UBR1: variants seen among roughly 807,000 people sequenced by gnomAD.
UBR1 encodes the protein ubiquitin protein ligase E3 component n-recognin 1.
Under a neutral mutation model 242.1 loss-of-function variants are expected in UBR1, and 102 were observed. That is an observed-to-expected ratio of 0.42 (90% CI 0.36 to 0.50). The LOEUF (loss-of-function observed/expected upper bound fraction) is 0.50, where lower values mean the gene tolerates loss of function less well. Ranked by LOEUF, UBR1 falls within the 20% of genes least tolerant of loss-of-function variation. The pLI is 0.01. For missense variants in UBR1, 1,772 were observed against 2,101.8 expected (o/e 0.84, Z 3.07); for synonymous variants, 675 against 684.8 (o/e 0.99, Z 0.22).
At chr15:43,078,893 GAATA>G (rs1408440889) in intron 3 of UBR1, among the ~76,000 whole-genome samples, 1 of 151,634 alleles carries the variant, frequency 6.6e-6, no homozygotes, top group Non-Finnish European at 1.5e-5. Context: ...AAAAAAGCAG[GAATA>G]AATGAGACTT....
chr15:43,026,763 G>GA (rs1258654834), intron 22 of UBR1, 100 bp from the exon 23 acceptor site: 1 of 1,013,114 alleles, frequency 9.9e-7, no homozygotes, highest in Non-Finnish European at 1.5e-6. Flanking sequence ...CAAATATACA[G>GA]AAAAAAATTA....
At chr15:42,999,341 T>C (rs759513367) in intron 32 of UBR1, among the ~76,000 whole-genome samples, 2 of 152,212 alleles carry the variant, frequency 1.3e-5, no homozygotes, top group African/African-American at 2.4e-5. Context: ...AATGTCACCA[T>C]CTCAGAGAAG....
chr15:42,999,279 T>C (rs1567120128), intron 32 of UBR1, among the ~76,000 whole-genome samples: 1 of 152,160 alleles, frequency 6.6e-6, no homozygotes, highest in Non-Finnish European at 1.5e-5. Flanking sequence ...AGAATTTTTT[T>C]CTCCCAGAGA....
At chr15:43,075,472 G>A (rs2033876158) in intron 3 of UBR1, among the ~76,000 whole-genome samples, 1 of 151,850 alleles carries the variant, frequency 6.6e-6, no homozygotes, top group Non-Finnish European at 1.5e-5. Flanking sequence ...AAGTTTTAGG[G>A]TACATGTGCA....
intron 40 of UBR1, among the ~76,000 whole-genome samples, chr15:42,967,219 G>GTT (rs55879443): frequency 0.54 from 60,519 of 112,998 alleles, 19,662 homozygotes; most frequent in Non-Finnish European, 0.7. Context: ...TGCTCAACTA[G>GTT]TTTTTTTTTT....
chr15:43,023,576 G>T (rs967926835), intron 25 of UBR1, among the ~76,000 whole-genome samples: 1 of 142,330 alleles, frequency 7.0e-6, no homozygotes, highest in African/African-American at 2.7e-5. Context: ...CTCCAGCCTG[G>T]GTGACAAGTG....
chr15:43,012,506 C>T (rs1848397038), intron 29 of UBR1, among the ~76,000 whole-genome samples: 2 of 152,146 alleles, frequency 1.3e-5, no homozygotes, highest in Non-Finnish European at 2.9e-5. Flanking sequence ...ATTTAAATTG[C>T]TTTCAATAAG....
At chr15:43,049,549 T>C (rs62020748) in intron 12 of UBR1, among the ~76,000 whole-genome samples, 14,839 of 152,122 alleles carry the variant, frequency 0.098, 909 homozygotes, top group Middle Eastern at 0.17. Flanking sequence ...GGTGACAGCA[T>C]GACACACAAA....
rs1453428090 is a variant in UBR1, at chr15:42,943,604, T to A, written c.*1725A>T. The stretch of plus-strand genomic sequence containing the variant: ...AAGGACTAAAAATAAAGTCAGTTTA[T>A]CTTTGCTAAATTGGGGCCCATCTAT... On this transcript the variant is annotated 3_prime_UTR_variant, in exon 47 of 47. Transcript: ENST00000290650. 1 of 152,240 alleles carries A rather than the reference T, an allele frequency of 6.6e-6. No homozygotes were observed. The highest frequency in any genetic ancestry group is 1.5e-5 in the Non-Finnish European group (1 of 68,036). The allele number at this position is 152,240 out of a possible 1,614,324, so 9.4% of individuals were successfully genotyped here.
chr15:43,069,424 C>T (rs2033796258), intron 5 of UBR1, among the ~76,000 whole-genome samples: 1 of 151,980 alleles, frequency 6.6e-6, no homozygotes, highest in Non-Finnish European at 1.5e-5. Context: ...CCACGGGGGC[C>T]CGCCATGATG....
chr15:42,998,977 G>A (rs770392445), intron 32 of UBR1, among the ~76,000 whole-genome samples: 6 of 134,328 alleles, frequency 4.5e-5, no homozygotes, highest in South Asian at 2.3e-4. Flanking sequence ...TCACTCTGTC[G>A]CCAGGCTGGA....
intron 42 of UBR1, among the ~76,000 whole-genome samples, chr15:42,961,361 C>A (rs1251241560): frequency 6.6e-6 from 1 of 151,690 alleles, no homozygotes; most frequent in African/African-American, 2.4e-5. Flanking sequence ...GATCAGCCTG[C>A]CTCGGCTTCC....
At chr15:42,970,306 A>G (rs559490720) in intron 40 of UBR1, among the ~76,000 whole-genome samples, 1 of 152,328 alleles carries the variant, frequency 6.6e-6, no homozygotes, top group East Asian at 1.9e-4. Context: ...GAAAACTGAA[A>G]CTACACCCCT....
At chr15:43,014,891 C>T (rs1414203498) in intron 29 of UBR1, among the ~76,000 whole-genome samples, 1 of 150,194 alleles carries the variant, frequency 6.7e-6, no homozygotes, top group Non-Finnish European at 1.5e-5. Context: ...GGGGGGTCAG[C>T]CCCCGCCCGG....
chr15:43,084,462 T>C (rs946894211), intron 2 of UBR1, among the ~76,000 whole-genome samples: 5 of 152,214 alleles, frequency 3.3e-5, no homozygotes, highest in African/African-American at 1.2e-4. Context: ...AGACTATTTT[T>C]TCGTTTGTTT....
intron 15 of UBR1, 65 bp downstream of exon 15, chr15:43,043,150 C>T (rs1336995049): frequency 6.4e-7 from 1 of 1,569,310 alleles, no homozygotes; most frequent in African/African-American, 1.4e-5. Context: ...AGAAATGATT[C>T]TACTAAATGA....
At chr15:42,976,272 A>G (rs2141266493) in intron 39 of UBR1, among the ~76,000 whole-genome samples, 1 of 152,320 alleles carries the variant, frequency 6.6e-6, no homozygotes, top group South Asian at 2.1e-4. Flanking sequence ...CAGGGAAAGG[A>G]GCAGAACAAC....
chr15:43,073,547 G>A (rs1026509879), intron 4 of UBR1, among the ~76,000 whole-genome samples: 13 of 152,146 alleles, frequency 8.5e-5, no homozygotes, highest in African/African-American at 2.2e-4. Flanking sequence ...CAGGATAAGC[G>A]CTTACTTCAT....
chr15:42,971,825 C>T (rs769175159), intron 39 of UBR1, among the ~76,000 whole-genome samples: 2 of 152,154 alleles, frequency 1.3e-5, no homozygotes, highest in African/African-American at 4.8e-5. Context: ...CAAATGCATA[C>T]ACCCACAAAA....
Sources: gnomAD v4.1 joint callset for allele counts (sites outside exome capture counted in the v4.1 genomes callset) on GRCh38, gnomAD v4.1.1 for gene constraint, MANE v1.5 for transcripts, NCBI Gene and HGNC (gene_info 2026-07-23, HGNC 2026-07-21) for gene names.